Variants in TSHZ3 observed in about 807,000 individuals in gnomAD.
TSHZ3 encodes teashirt homolog 3.
A neutral mutation model predicts 64.5 loss-of-function variants in TSHZ3; 10 were observed. The observed-to-expected ratio is 0.16, with a 90% CI of 0.10 to 0.26. The LOEUF is 0.26. Ranked by LOEUF, TSHZ3 falls within the 10% of genes least tolerant of loss-of-function variation. TSHZ3 has a pLI of 1.00. For missense variants in TSHZ3, 1,242 were observed against 1,421.7 expected, an observed-to-expected ratio of 0.87 and a Z score of 2.03; for synonymous variants, 608 against 593.1, an observed-to-expected ratio of 1.03 and a Z score of -0.36.
intron 1 of TSHZ3, among the ~76,000 whole-genome samples, chr19:31,294,914 C>T (rs988784192): frequency 1.3e-5 from 2 of 152,152 alleles, no homozygotes; most frequent in East Asian, 1.9e-4. Flanking sequence ...GCCTTGCTTG[C>T]CTTCTTGTGG....
chr19:31,317,837 T>C (rs1039658271), intron 1 of TSHZ3, among the ~76,000 whole-genome samples: 15 of 152,222 alleles, frequency 9.9e-5, no homozygotes, highest in Non-Finnish European at 1.8e-4. Context: ...CTGCATCTCT[T>C]TCACGCCTGG....
intron 4 of TSHZ3, among the ~76,000 whole-genome samples, chr19:31,215,802 C>CG (rs1297022663): frequency 2.0e-5 from 3 of 152,016 alleles, no homozygotes; most frequent in African/African-American, 7.2e-5. Flanking sequence ...ACCCGGGAGG[C>CG]GGAGCTTGCA....
chr19:31,264,798 C>T (rs1281973934), intron 1 of TSHZ3, among the ~76,000 whole-genome samples: 1 of 151,924 alleles, frequency 6.6e-6, no homozygotes, highest in Non-Finnish European at 1.5e-5. Flanking sequence ...CAACCTGTGC[C>T]AGGTAAAATA....
chr19:31,330,267 T>G (rs909960041), intron 1 of TSHZ3, among the ~76,000 whole-genome samples: 1 of 152,212 alleles, frequency 6.6e-6, no homozygotes, highest in Non-Finnish European at 1.5e-5. Context: ...TGAGTGAACT[T>G]GAAGCCCCTC....
intron 5 of TSHZ3, among the ~76,000 whole-genome samples, chr19:31,203,174 G>A (rs757336045): frequency 4.6e-5 from 7 of 152,160 alleles, no homozygotes; most frequent in Non-Finnish European, 8.8e-5. Context: ...AGTGAGAATT[G>A]AGCTATGCAA....
exon 7 of TSHZ3, among the ~76,000 whole-genome samples, chr19:31,151,434 G>A (rs1974237197): frequency 6.6e-6 from 1 of 152,156 alleles, no homozygotes; most frequent in Non-Finnish European, 1.5e-5. Flanking sequence ...GAGAGACCTG[G>A]CCTGATCCCC....
upstream of TSHZ3, among the ~76,000 whole-genome samples, chr19:31,349,922 G>A (rs1429900955): frequency 2.1e-5 from 3 of 140,990 alleles, no homozygotes; most frequent in Admixed American, 1.4e-4. Flanking sequence ...CCCGGCCCCA[G>A]GCCCGCGTGG....
chr19:31,150,720 G>A (rs551298306), exon 7 of TSHZ3, among the ~76,000 whole-genome samples: 2 of 152,242 alleles, frequency 1.3e-5, no homozygotes, highest in Admixed American at 1.3e-4. Flanking sequence ...GGGCTATTTA[G>A]CCACCTGGTT....
intron 5 of TSHZ3, among the ~76,000 whole-genome samples, chr19:31,187,110 G>A (rs1475943581): frequency 6.6e-6 from 1 of 151,980 alleles, no homozygotes; most frequent in Non-Finnish European, 1.5e-5. Flanking sequence ...TTACAATCAG[G>A]ACACAGAGCA....
chr19:31,308,516 C>T (rs139623630), intron 1 of TSHZ3: 1 of 395,256 alleles, frequency 2.5e-6, no homozygotes, highest in African/African-American at 2.1e-5. Context: ...CAGCGTGGAC[C>T]ACCACTAAGG....
At chr19:31,207,138 A>G (rs1975190614) in intron 4 of TSHZ3, among the ~76,000 whole-genome samples, 1 of 152,234 alleles carries the variant, frequency 6.6e-6, no homozygotes, top group South Asian at 2.1e-4. Flanking sequence ...TCTCAGCTAT[A>G]GAATCATTAA....
At position 31,223,429 on chromosome 19, in the gene TSHZ3, T is replaced by A. The variant is rs559123554; in HGVS notation, n.686+4576A>T. On this transcript the variant is annotated intron_variant and non_coding_transcript_variant, in intron 4 of 6. Transcript: ENST00000651361. ...CAGAGAGAGGGAGAACTAAATACAT[T>A]ATGTACATCTGAAAAGTCACCAAAG... 8.8e-4 allele frequency among the ~76,000 whole-genome samples: 134 copies of A among 151,454 alleles called. No homozygotes were observed. The South Asian group carries it at 0.012, about 14-fold the overall frequency.
chr19:31,240,556 G>A (rs141221884), intron 3 of TSHZ3, among the ~76,000 whole-genome samples: 3 of 152,262 alleles, frequency 2.0e-5, no homozygotes, highest in East Asian at 3.9e-4. Flanking sequence ...AAAGATGGAC[G>A]TGAGAAAGGC....
chr19:31,295,157 T>C (rs1019372789), intron 1 of TSHZ3, among the ~76,000 whole-genome samples: 1 of 152,178 alleles, frequency 6.6e-6, no homozygotes, highest in Non-Finnish European at 1.5e-5. Context: ...ACAAGGACGA[T>C]AAGACAGAGA....
intron 1 of TSHZ3, among the ~76,000 whole-genome samples, chr19:31,253,341 G>A (rs952962059): frequency 3.9e-5 from 6 of 152,032 alleles, no homozygotes; most frequent in Admixed American, 3.3e-4. Context: ...ATCAAGATAA[G>A]AAGAAGAAAG....
chr19:31,298,197 T>TCA (rs1439523969), intron 1 of TSHZ3, among the ~76,000 whole-genome samples: 1 of 151,980 alleles, frequency 6.6e-6, no homozygotes, highest in Admixed American at 6.5e-5. Flanking sequence ...AGCTGATGTG[T>TCA]CACATGACCA....
rs760787125 is a variant in TSHZ3 at position 31,278,745 on chromosome 19, C to T, written c.1048G>A (p.Asp350Asn). ...TPKATISDTNDALQKNSNPYI... is the reference protein window; with the variant it reads ...TPKATISDTNNALQKNSNPYI... Reference sequence around the variant, plus strand: ...GGGTTGGAGTTCTTCTGAAGTGCATCGTTGGTGTCTGAGATGGTGGCTTTG... The same window carrying T: ...GGGTTGGAGTTCTTCTGAAGTGCATTGTTGGTGTCTGAGATGGTGGCTTTG... Residue 350 changes from aspartate (D) to asparagine (N), a missense_variant, in exon 2 of 2, where the codon GAT becomes AAT. Physicochemically the swap from Asp to Asn is conservative, Grantham distance 23. Around this residue, in one of 4 missense-constraint regions of TSHZ3, gnomAD observed 555 missense variants for 704.0 expected, o/e 0.79. Coordinates refer to ENST00000240587, the MANE Select transcript of TSHZ3 (RefSeq NM_020856.4). This position sits in a 1 kb window ranked among gnomAD's most constrained non-coding sequence, Gnocchi z 4.7. 4 of 1,614,030 alleles carry T rather than the reference C, an allele frequency of 2.5e-6. No homozygotes were observed. Among genetic ancestry groups the T allele is most frequent in the South Asian group, 1.1e-5 (1 of 91,088 alleles).
chr19:31,214,693 G>A (rs1416998261), intron 4 of TSHZ3, among the ~76,000 whole-genome samples: 2 of 152,056 alleles, frequency 1.3e-5, no homozygotes, highest in African/African-American at 4.8e-5. Context: ...CAGATCACGA[G>A]GCCAGGAAAT....
At chr19:31,170,280 A>G (rs984412425) in intron 5 of TSHZ3, among the ~76,000 whole-genome samples, 2 of 152,108 alleles carry the variant, frequency 1.3e-5, no homozygotes, top group Non-Finnish European at 2.9e-5. Context: ...GTCCTCACAT[A>G]GGGATTGATG....
Sources: gnomAD v4.1 joint callset for allele counts (sites outside exome capture counted in the v4.1 genomes callset) on GRCh38, gnomAD v4.1.1 for gene constraint, gnomAD v4.1.1 regional missense constraint, Gnocchi (gnomAD v3.1) non-coding constraint, MANE v1.5 for transcripts, NCBI Gene and HGNC (gene_info 2026-07-23, HGNC 2026-07-21) for gene names.